ARHGAP22: variants seen among roughly 807,000 people sequenced by gnomAD.
The protein encoded by ARHGAP22 is rho GTPase-activating protein 22.
ARHGAP22 carries 48 observed loss-of-function variants against 59.1 expected under a neutral mutation model. The ratio of observed to expected loss-of-function variants is 0.81; its 90% CI spans 0.64 to 1.03. ARHGAP22 has a LOEUF of 1.03. Among genes scored for constraint, ARHGAP22 ranks in the 50% least tolerant of loss-of-function variants. The probability of loss-of-function intolerance (pLI) is 0.00; values close to 1 mark genes in which losing one functional copy is unlikely to be tolerated. For synonymous variants in ARHGAP22, 445 were observed against 416.4 expected, an observed-to-expected ratio of 1.07 and a Z score of -0.84; for missense variants, 1,015 against 958.7, an observed-to-expected ratio of 1.06 and a Z score of -0.78.
intron 2 of ARHGAP22, among the ~76,000 whole-genome samples, chr10:48,578,890 C>T (rs935592046): frequency 2.0e-5 from 3 of 151,936 alleles, no homozygotes; most frequent in Non-Finnish European, 4.4e-5. Context: ...TCTTTTTGCT[C>T]ACATTTACTT....
At chr10:48,560,923 C>A (rs897322298) in intron 2 of ARHGAP22, among the ~76,000 whole-genome samples, 1 of 151,972 alleles carries the variant, frequency 6.6e-6, no homozygotes, top group South Asian at 2.1e-4. Flanking sequence ...AAAATTTTTT[C>A]AACTAAGTTC....
chr10:48,590,048 C>T (rs371747147), intron 1 of ARHGAP22, among the ~76,000 whole-genome samples: 23 of 151,924 alleles, frequency 1.5e-4, no homozygotes, highest in Middle Eastern at 3.2e-3. Flanking sequence ...AGGTAAACCA[C>T]GCCAAGGGAA....
Position 48,583,146 on chromosome 10 carries a change from G to C in ARHGAP22, c.41C>G (p.Ser14Cys), listed in dbSNP as rs370077074. ...CTGCTCCCCCATCACTAGGCTTTTG[G>C]AGCGGGCTGAAAGCCAAGGACACAC... The part of the protein sequence containing the change: ...PKIRQARRAR[S>C]KSLVMGEQSR... The change falls in exon 2 of 10, where the codon TCC (serine) becomes TGC (cysteine). Residue 14 changes from serine to cysteine, a missense_variant. By Grantham distance (112) the Ser-to-Cys change is moderately radical. Coordinates refer to ENST00000249601, the MANE Select transcript of ARHGAP22 (RefSeq NM_021226.4). 28 of 1,613,686 alleles carry C rather than the reference G, an allele frequency of 1.7e-5. No homozygotes were observed. The highest frequency in any genetic ancestry group is 2.3e-5 in the Non-Finnish European group (27 of 1,179,884).
chr10:48,519,680 G>A (rs192479782), intron 3 of ARHGAP22, among the ~76,000 whole-genome samples: 28 of 152,370 alleles, frequency 1.8e-4, no homozygotes, highest in African/African-American at 5.3e-4. Context: ...CCCGAGGGCT[G>A]GGGCTCAGAG....
chr10:48,530,035 G>A (rs1035501183), intron 3 of ARHGAP22, among the ~76,000 whole-genome samples: 7 of 152,186 alleles, frequency 4.6e-5, no homozygotes, highest in East Asian at 3.9e-4. Flanking sequence ...TCAAGAGTTC[G>A]AGACCAGCTT....
chr10:48,611,432 C>T (rs1171914140), intron 1 of ARHGAP22, among the ~76,000 whole-genome samples: 2 of 152,086 alleles, frequency 1.3e-5, no homozygotes, highest in South Asian at 2.1e-4. Context: ...GGGGGGAGGT[C>T]GCTGCATCAG....
chr10:48,445,402 T>G (rs1564648170), downstream of ARHGAP22: 1 of 152,334 alleles, frequency 6.6e-6, no homozygotes, highest in Non-Finnish European at 1.5e-5. Flanking sequence ...CCAGAGGCGC[T>G]GCTGTGCTGC....
At chr10:48,432,717 G>T in the ARHGAP22 span, among the ~76,000 whole-genome samples, 1 of 152,170 alleles carries the variant, frequency 6.6e-6, no homozygotes, top group African/African-American at 2.4e-5. Flanking sequence ...ATAATTTCAT[G>T]AGTTAGAGCA....
chr10:48,486,356 G>C (rs1159238590), intron 3 of ARHGAP22, among the ~76,000 whole-genome samples: 1 of 149,264 alleles, frequency 6.7e-6, no homozygotes, highest in East Asian at 1.9e-4. Context: ...TTATTATTTT[G>C]AGACAGGGTC....
rs769390603 is a variant in ARHGAP22, at chr10:48,446,503, G to A, written c.1985C>T (p.Ala662Val). The A allele has an allele frequency of 8.7e-6, 14 of 1,614,002 alleles. No homozygotes were observed. The East Asian group carries it at 8.9e-5, about 10-fold the overall frequency. Residue 662 changes from alanine (A) to valine (V), a missense_variant, in exon 10 of 10, where the codon GCG (alanine) becomes GTG (valine). Physicochemically the swap from Ala to Val is moderately conservative, Grantham distance 64 (BLOSUM62 0). Coordinates refer to ENST00000249601, the MANE Select transcript of ARHGAP22 (RefSeq NM_021226.4). ...LEIKLRNSER[A>V]REDAERRNQL... is the part of the protein sequence containing the mutation. ...GTTCCTCCTCTCCGCATCCTCCCGC[G>A]CCCGTTCAGAGTTCCGCAGCTTTAT...
chr10:48,563,656 A>G (rs906011803), intron 2 of ARHGAP22, among the ~76,000 whole-genome samples: 17 of 152,316 alleles, frequency 1.1e-4, no homozygotes, highest in Non-Finnish European at 2.4e-4. Context: ...AGTAGACTAC[A>G]GTATATCTGA....
chr10:48,464,462 G>C (rs1005977237), intron 4 of ARHGAP22, among the ~76,000 whole-genome samples: 1 of 152,260 alleles, frequency 6.6e-6, no homozygotes, highest in Admixed American at 6.5e-5. Context: ...CAGGTTCAGG[G>C]AGGAGGTGAT....
intron 3 of ARHGAP22, among the ~76,000 whole-genome samples, chr10:48,492,562 T>TTA (rs1210502755): frequency 6.6e-6 from 1 of 152,058 alleles, no homozygotes; most frequent in East Asian, 1.9e-4. Context: ...ATTACTTTCT[T>TTA]TTTTTTTCAA....
At chr10:48,584,810 C>G (rs559101482) in intron 1 of ARHGAP22, among the ~76,000 whole-genome samples, 2 of 152,048 alleles carry the variant, frequency 1.3e-5, no homozygotes. Context: ...TTGGCTAACA[C>G]GGCGAAACCC....
chr10:48,512,615 G>A (rs1030672531), intron 3 of ARHGAP22, among the ~76,000 whole-genome samples: 1 of 152,184 alleles, frequency 6.6e-6, no homozygotes, highest in African/African-American at 2.4e-5. Context: ...TACACACAGA[G>A]GCCAATTTAA....
At chr10:48,494,026 T>C (rs1464568012) in intron 3 of ARHGAP22, among the ~76,000 whole-genome samples, 1 of 152,224 alleles carries the variant, frequency 6.6e-6, no homozygotes, top group Non-Finnish European at 1.5e-5. Flanking sequence ...CATTTTCTCA[T>C]CAGCAAAACA....
At chr10:48,568,944 G>C (rs571936166) in intron 2 of ARHGAP22, among the ~76,000 whole-genome samples, 1 of 152,200 alleles carries the variant, frequency 6.6e-6, no homozygotes, top group African/African-American at 2.4e-5. Flanking sequence ...GACTGGGAGC[G>C]CTGGTGCTGT....
chr10:48,593,456 A>G (rs1263804669), intron 1 of ARHGAP22, among the ~76,000 whole-genome samples: 1 of 152,230 alleles, frequency 6.6e-6, no homozygotes, highest in Non-Finnish European at 1.5e-5. Flanking sequence ...CTATACATAC[A>G]TATCTATGAC....
intron 2 of ARHGAP22, among the ~76,000 whole-genome samples, chr10:48,559,781 A>G (rs1238228791): frequency 6.6e-6 from 1 of 152,232 alleles, no homozygotes; most frequent in Non-Finnish European, 1.5e-5. Flanking sequence ...GGATAACCCA[A>G]TATGTCAAAA....
Sources: allele counts gnomAD v4.1 joint callset (sites outside exome capture counted in the v4.1 genomes callset), GRCh38; gene constraint gnomAD v4.1.1; transcripts MANE v1.5; gene names NCBI Gene and HGNC (gene_info 2026-07-23, HGNC 2026-07-21).